The following SBNO2 variants were observed in gnomAD, a reference collection of about 807,000 sequenced individuals.
SBNO2 encodes strawberry notch homolog 2, also known as protein strawberry notch homolog 2.
SBNO2 carries 89 observed loss-of-function variants against 146.3 expected under a neutral mutation model. That is an observed-to-expected ratio of 0.61 (90% CI 0.51 to 0.73). SBNO2 has a LOEUF of 0.73. SBNO2 is among the 30% of genes least tolerant of loss of function. SBNO2 has a pLI of 0.00. For missense variants in SBNO2, 2,092 were observed against 2,003.7 expected (o/e 1.04, Z -0.84); for synonymous variants, 1,147 against 892.6 (o/e 1.29, Z -5.08).
rs534670611 is a variant in SBNO2 at position 1,112,588 on chromosome 19, C to T, written c.2380-51G>A. Reference sequence around the variant, plus strand: ...ACGGTTGGTGCAAGGCCCGCCCCAGCGTTGCCGCCACCTCCTCACCCACTA... The same window carrying T: ...ACGGTTGGTGCAAGGCCCGCCCCAGTGTTGCCGCCACCTCCTCACCCACTA... On this transcript the variant is annotated intron_variant, in intron 20 of 31. Coordinates refer to ENST00000361757, the MANE Select transcript of SBNO2 (RefSeq NM_014963.3). The surrounding 1 kb of genome is among the most constrained non-coding windows in gnomAD (Gnocchi z 5.9). The T allele has an allele frequency of 5.9e-6, 9 of 1,524,362 alleles. No individual in the cohort carries two copies. The highest frequency in any genetic ancestry group is 5.3e-6 in the Non-Finnish European group (6 of 1,140,340). The allele number at this position is 1,524,362 out of a possible 1,614,324, so 94.4% of individuals were successfully genotyped here.
At chr19:1,166,613 ACG>A (rs201183181) in intron 1 of SBNO2, among the ~76,000 whole-genome samples, 392 of 38,062 alleles carry the variant, frequency 0.01, 1 homozygote, top group African/African-American at 0.024. Context: ...CCGCAACTGC[ACG>A]CGCACACACA....
At chr19:1,132,686 A>C (rs1199237183) in intron 4 of SBNO2, among the ~76,000 whole-genome samples, 2 of 150,992 alleles carry the variant, frequency 1.3e-5, no homozygotes, top group Non-Finnish European at 3.0e-5. Flanking sequence ...TCCCCACCCC[A>C]CCCCTGCAGG....
chr19:1,108,921 C>A lies in SBNO2; in HGVS notation c.3474G>T (p.Gly1158=). ...LAQEGKDCLQ[G]LRLRHHYMLC... Reference sequence around the variant, plus strand: ...GCATGTAGTGGTGCCGCAGCCGCAGCCCCTGCAGGCAGTCCTTACCCTCCT... The same window carrying A: ...GCATGTAGTGGTGCCGCAGCCGCAGACCCTGCAGGCAGTCCTTACCCTCCT... Residue 1158 remains glycine, a synonymous_variant, in exon 31 of 32, where the codon GGG becomes GGT. Transcript: ENST00000361757. The A allele has an allele frequency of 3.8e-6, 6 of 1,574,098 alleles. No homozygotes were observed. Among genetic ancestry groups the A allele is most frequent in the Non-Finnish European group, 5.1e-6 (6 of 1,167,870 alleles).
chr19:1,114,902 G>A (rs1184744937), intron 17 of SBNO2, among the ~76,000 whole-genome samples: 1 of 151,896 alleles, frequency 6.6e-6, no homozygotes, highest in African/African-American at 2.4e-5. Flanking sequence ...CAAAGTGCTG[G>A]GATTATAGGC....
chr19:1,118,874 AAAC>A (rs2079863852), intron 14 of SBNO2, 134 bp downstream of exon 14: 1 of 887,296 alleles, frequency 1.1e-6, no homozygotes, highest in African/African-American at 1.7e-5. Context: ...TGTCTCAAAA[AAAC>A]AACAAAAAAA....
chr19:1,168,267 C>A (rs1001840011), intron 1 of SBNO2, among the ~76,000 whole-genome samples: 21 of 152,098 alleles, frequency 1.4e-4, no homozygotes, highest in African/African-American at 4.8e-4. Context: ...CGCAGCTCCC[C>A]CAAGCTCCTG....
chr19:1,115,754 G>C (rs768062054), intron 17 of SBNO2: 1 of 555,388 alleles, frequency 1.8e-6, no homozygotes, highest in Non-Finnish European at 3.2e-6. Flanking sequence ...CAGCACCCGC[G>C]TCCGTGTCCC....
In SBNO2 at chr19:1,122,754, C is replaced by T; in HGVS notation, c.818G>A (p.Gly273Asp). The change falls in exon 9 of 32, where the codon GGC (glycine) becomes GAC (aspartate). Residue 273 changes from glycine (G) to aspartate (D), a missense_variant. By Grantham distance (94) the Gly-to-Asp change is moderately conservative. Transcript: ENST00000361757. ...EVLLPSGQRA[G>D]FLIGDGAGVG... ...GCCGGCCCCATCGCCGATGAGAAAG[C>T]CCGCGCGCTGCCCGCTGGGGAGCAG... The T allele has an allele frequency of 6.5e-7, 1 of 1,537,496 alleles. No homozygotes were observed.
chr19:1,130,807 A>G (rs77710000), intron 4 of SBNO2, among the ~76,000 whole-genome samples: 2,272 of 152,264 alleles, frequency 0.015, 55 homozygotes, highest in African/African-American at 0.051. Flanking sequence ...CAAATAAATA[A>G]AAGTGAAAGT....
At position 1,158,184 on chromosome 19, in the gene SBNO2, A is replaced by G. The variant is rs1482837113; in HGVS notation, c.-126-3782T>C. Among the ~76,000 whole-genome samples the G allele has an allele frequency of 6.6e-6, 1 of 152,172 alleles. No individual in the cohort carries two copies. Among genetic ancestry groups the G allele is most frequent in the Non-Finnish European group, 1.5e-5 (1 of 68,026 alleles). Reference sequence around the variant, plus strand: ...AGCCTCCTGATGTTCAGAACTGGCCACTGTGCGGACCCTCCCCCTGGGGGT... The same window carrying G: ...AGCCTCCTGATGTTCAGAACTGGCCGCTGTGCGGACCCTCCCCCTGGGGGT... On this transcript the variant is annotated intron_variant, in intron 1 of 31. Coordinates refer to ENST00000361757, the MANE Select transcript of SBNO2 (RefSeq NM_014963.3). The surrounding 1 kb of genome is among the most constrained non-coding windows in gnomAD (Gnocchi z 9.9).
In SBNO2 at chr19:1,144,451, G is replaced by A. The variant is rs1018031824; in HGVS notation, c.279+2858C>T. 4.6e-5 allele frequency among the ~76,000 whole-genome samples: 7 copies of A among 152,218 alleles called. No homozygotes were observed. The highest frequency in any genetic ancestry group is 1.2e-4 in the African/African-American group (5 of 41,450). On this transcript the variant is annotated intron_variant, in intron 4 of 31. Coordinates refer to ENST00000361757, the MANE Select transcript of SBNO2 (RefSeq NM_014963.3). The surrounding 1 kb of genome is among the most constrained non-coding windows in gnomAD (Gnocchi z 4.1). ...CTCACAGAACCAGCACAGTGGCCCC[G>A]AGGGCTCCGGGCTGAACAGATGCAG... is the stretch of plus-strand genomic sequence containing the variant.
At chr19:1,121,525 C>T (rs2079900996) in intron 11 of SBNO2, among the ~76,000 whole-genome samples, 2 of 152,352 alleles carry the variant, frequency 1.3e-5, no homozygotes, top group South Asian at 4.1e-4. Context: ...TCCCAACACC[C>T]CAACACCCAA....
rs2079967964 is a variant in SBNO2 at position 1,126,570 on chromosome 19, C to T, written c.441+1034G>A. ...CCCTGATGCTTCCTGAGCCGCCCAC[C>T]GTGAGCCACCCACCGTGGCTGCGGG... On this transcript the variant is annotated intron_variant, in intron 5 of 31. Coordinates refer to ENST00000361757, the MANE Select transcript of SBNO2 (RefSeq NM_014963.3). This position sits in a 1 kb window ranked among gnomAD's most constrained non-coding sequence, Gnocchi z 4.4. Among the ~76,000 whole-genome samples the T allele has an allele frequency of 6.6e-6, 1 of 152,140 alleles. No homozygotes were observed. The highest frequency in any genetic ancestry group is 2.1e-4 in the South Asian group (1 of 4,820).
At chr19:1,167,632 T>C (rs2080438177) in intron 1 of SBNO2, among the ~76,000 whole-genome samples, 1 of 152,036 alleles carries the variant, frequency 6.6e-6, no homozygotes, top group Admixed American at 6.5e-5. Context: ...ATGAGGACAT[T>C]TGTGACGATG....
intron 19 of SBNO2, among the ~76,000 whole-genome samples, 189 bp from the exon 20 acceptor site, chr19:1,113,138 GTAT>G: frequency 6.6e-6 from 1 of 152,318 alleles, no homozygotes; most frequent in African/African-American, 2.4e-5. Context: ...CCAAGGCCTG[GTAT>G]TATCAGCCAG....
rs1297168902 is a variant in SBNO2 at position 1,144,722 on chromosome 19, AGAGAGGGAGACAAAGAGACAGGTG to A, written c.279+2563_279+2586del. On this transcript the variant is annotated intron_variant, in intron 4 of 31. Coordinates refer to ENST00000361757, the MANE Select transcript of SBNO2 (RefSeq NM_014963.3). The surrounding 1 kb of genome is among the most constrained non-coding windows in gnomAD (Gnocchi z 4.1). ...CAGAGAGGGAAACAGACACAGAGGC[AGAGAGGGAGACAAAGAGACAGGTG>A]GAGAGGGAGACAGAGAGACAGAGGC... 6.6e-6 allele frequency among the ~76,000 whole-genome samples: 1 copy of A among 151,026 alleles called. No homozygotes were observed. Among genetic ancestry groups the A allele is most frequent in the Non-Finnish European group, 1.5e-5 (1 of 67,952 alleles).
intron 7 of SBNO2, 122 bp from the exon 8 acceptor site, chr19:1,123,167 G>T: frequency 2.6e-6 from 3 of 1,151,374 alleles, no homozygotes; most frequent in Non-Finnish European, 3.7e-6. Flanking sequence ...TGGGGGCGTG[G>T]CCAGGTCCCG....
At chr19:1,155,609 G>A (rs1007640591) in intron 1 of SBNO2, among the ~76,000 whole-genome samples, 3 of 152,212 alleles carry the variant, frequency 2.0e-5, no homozygotes, top group African/African-American at 7.2e-5. Flanking sequence ...TTCTGGGTCA[G>A]GCAGGATCAA....
In SBNO2 at chr19:1,113,620, T is replaced by C. The variant is rs1444111871; in HGVS notation, c.2162A>G (p.Lys721Arg). ...VERLKQDLLD[K>R]VRRLGRELPV... ...CAGTTCCCGGCCCAGCCGCCGCACTTTGTCCAGCAGATCCTGCTTCAGCCG... is the reference window on the plus strand; with the variant it reads ...CAGTTCCCGGCCCAGCCGCCGCACTCTGTCCAGCAGATCCTGCTTCAGCCG... The change falls in exon 19 of 32, where the codon AAA becomes AGA. Residue 721 changes from lysine to arginine, a missense_variant. Physicochemically the swap from Lys to Arg is conservative, Grantham distance 26 (BLOSUM62 2). Coordinates refer to ENST00000361757, the MANE Select transcript of SBNO2 (RefSeq NM_014963.3). The C allele has an allele frequency of 5.6e-6, 9 of 1,598,440 alleles. No individual in the cohort carries two copies. The highest frequency in any genetic ancestry group is 6.8e-6 in the Non-Finnish European group (8 of 1,174,294).
Sources: gnomAD v4.1 joint callset for allele counts (sites outside exome capture counted in the v4.1 genomes callset) on GRCh38, gnomAD v4.1.1 for gene constraint, Gnocchi (gnomAD v3.1) non-coding constraint, MANE v1.5 for transcripts, NCBI Gene and HGNC (gene_info 2026-07-23, HGNC 2026-07-21) for gene names.